The following ADGRL3 variants were observed in gnomAD, a reference collection of about 807,000 sequenced individuals.
The protein encoded by ADGRL3 is adhesion G protein-coupled receptor L3.
A neutral mutation model predicts 153.5 loss-of-function variants in ADGRL3; 62 were observed. That is an observed-to-expected ratio of 0.40 (90% CI 0.33 to 0.50). ADGRL3 has a LOEUF of 0.50. Among genes scored for constraint, ADGRL3 ranks in the 20% least tolerant of loss-of-function variants. The probability of loss-of-function intolerance (pLI) is 0.47; values close to 1 mark genes in which losing one functional copy is unlikely to be tolerated. For missense variants in ADGRL3, 1,641 were observed against 1,859.4 expected, an observed-to-expected ratio of 0.88 and a Z score of 2.16; for synonymous variants, 710 against 672.5, an observed-to-expected ratio of 1.06 and a Z score of -0.86.
chr4:61,211,272 A>G (rs1452768674), intron 1 of ADGRL3, among the ~76,000 whole-genome samples: 1 of 151,866 alleles, frequency 6.6e-6, no homozygotes, highest in Non-Finnish European at 1.5e-5. Context: ...GGTATCAGGA[A>G]AAATTGGATA....
intron 8 of ADGRL3, among the ~76,000 whole-genome samples, chr4:61,753,434 T>A (rs75639177): frequency 0.087 from 13,223 of 152,196 alleles, 1,217 homozygotes; most frequent in African/African-American, 0.23. Flanking sequence ...AGAGTTACGG[T>A]TACTTCTCAG....
At chr4:61,522,339 C>G (rs1269329325) in intron 4 of ADGRL3, among the ~76,000 whole-genome samples, 1 of 152,126 alleles carries the variant, frequency 6.6e-6, no homozygotes, top group Non-Finnish European at 1.5e-5. Flanking sequence ...TGATTAATCT[C>G]TTGCCTAATT....
intron 1 of ADGRL3, among the ~76,000 whole-genome samples, chr4:61,244,055 GT>G (rs1756076426): frequency 6.6e-6 from 1 of 151,960 alleles, no homozygotes; most frequent in Non-Finnish European, 1.5e-5. Context: ...TTGCTATCGG[GT>G]CTACCTAACT....
chr4:61,880,227 A>C (rs2149474481), intron 9 of ADGRL3, among the ~76,000 whole-genome samples: 1 of 152,268 alleles, frequency 6.6e-6, no homozygotes, highest in South Asian at 2.1e-4. Context: ...TTACTCAACC[A>C]CTTAGTCATT....
intron 1 of ADGRL3, among the ~76,000 whole-genome samples, chr4:61,295,546 A>G (rs186008827): frequency 6.6e-6 from 1 of 152,202 alleles, no homozygotes. Context: ...AAAGTACTAA[A>G]CTTTTTGAAA....
chr4:61,594,981 C>A (rs144182325), intron 5 of ADGRL3, among the ~76,000 whole-genome samples: 1 of 152,204 alleles, frequency 6.6e-6, no homozygotes, highest in East Asian at 1.9e-4. Flanking sequence ...TTCTCCAGCC[C>A]ACAACCAATG....
In ADGRL3 at chr4:62,044,477, G is replaced by C; in HGVS notation, c.3742G>C (p.Asp1248His). The C allele has an allele frequency of 6.3e-7, 1 of 1,594,506 alleles. No homozygotes were observed. The highest frequency in any genetic ancestry group is 8.5e-7 in the Non-Finnish European group (1 of 1,169,980). ...GAGCCGAATCCGTAGAATGTGGAAT[G>C]ACACGGTTCGAAAGCAGTCAGAGTC... ...SQSRIRRMWN[D>H]TVRKQSESSF... Residue 1248 changes from aspartate (D) to histidine (H), a missense_variant, in exon 25 of 27, where the codon GAC becomes CAC. Physicochemically the swap from Asp to His is moderately conservative, Grantham distance 81. This residue lies in a region of ADGRL3 where 517 missense variants were observed against 555.0 expected (regional missense o/e 0.93). Coordinates refer to ENST00000683033, the MANE Select transcript of ADGRL3 (RefSeq NM_001387552.1).
chr4:62,038,366 C>T (rs1265896237), intron 24 of ADGRL3, among the ~76,000 whole-genome samples: 1 of 151,982 alleles, frequency 6.6e-6, no homozygotes, highest in Non-Finnish European at 1.5e-5. Flanking sequence ...ATTAACATAC[C>T]TGGTCTAAGC....
chr4:61,892,739 A>G lies in ADGRL3; in HGVS notation c.1564A>G (p.Ser522Gly), dbSNP rs1002460440. ...GACCACAACTTTGAGCCCAGGAAGG[A>G]GTACCACCCCGTCAGTGTCAGGAAG... ...LRTTTLSPGR[S>G]TTPSVSGRRN... Residue 522 changes from serine (S) to glycine (G), a missense_variant, in exon 10 of 27, where the codon AGT (serine) becomes GGT (glycine). Ser to Gly is a moderately conservative substitution (Grantham distance 56, BLOSUM62 0). Coordinates refer to ENST00000683033, the MANE Select transcript of ADGRL3 (RefSeq NM_001387552.1). 10 of 1,613,916 alleles carry G rather than the reference A, an allele frequency of 6.2e-6. No homozygotes were observed. The highest frequency in any genetic ancestry group is 7.6e-6 in the Non-Finnish European group (9 of 1,179,834).
intron 9 of ADGRL3, among the ~76,000 whole-genome samples, chr4:61,844,525 T>A (rs1156651833): frequency 1.0e-5 from 1 of 96,442 alleles, no homozygotes; most frequent in African/African-American, 4.3e-5. Flanking sequence ...CCAGCCTGGG[T>A]GACAAAGCGA....
At chr4:61,407,537 C>T (rs2097018309) in intron 2 of ADGRL3, among the ~76,000 whole-genome samples, 1 of 152,008 alleles carries the variant, frequency 6.6e-6, no homozygotes, top group African/African-American at 2.4e-5. Context: ...GAGGTGTCCA[C>T]AAAAAACTGA....
intron 1 of ADGRL3, among the ~76,000 whole-genome samples, chr4:61,354,599 T>TGC (rs1553910573): frequency 1.6e-4 from 24 of 151,378 alleles, no homozygotes; most frequent in African/African-American, 2.2e-4. Context: ...TGTGTGTGTG[T>TGC]GCGCTTTAGT....
At position 61,609,468 on chromosome 4, in the gene ADGRL3, A is replaced by G. The variant is rs546318340; in HGVS notation, c.473+22028A>G. On this transcript the variant is annotated intron_variant, in intron 5 of 26. Coordinates refer to ENST00000683033, the MANE Select transcript of ADGRL3 (RefSeq NM_001387552.1). ...CTGATTAATTTTCATGGCTATTAATATTTAATAGACTAGTTCTTAAAATTA... is the reference window on the plus strand; with the variant it reads ...CTGATTAATTTTCATGGCTATTAATGTTTAATAGACTAGTTCTTAAAATTA... 2.6e-5 allele frequency among the ~76,000 whole-genome samples: 4 copies of G among 152,226 alleles called. No homozygotes were observed. In the East Asian group the frequency reaches 5.8e-4, roughly 22 times the overall value.
intron 9 of ADGRL3, among the ~76,000 whole-genome samples, chr4:61,867,650 T>G (rs1179735300): frequency 1.3e-5 from 2 of 150,948 alleles, no homozygotes; most frequent in Non-Finnish European, 3.0e-5. Context: ...TAATATGTTT[T>G]ATGTGACACA....
At chr4:62,058,247 T>A (rs1043362669) in intron 25 of ADGRL3, among the ~76,000 whole-genome samples, 1 of 152,178 alleles carries the variant, frequency 6.6e-6, no homozygotes, top group African/African-American at 2.4e-5. Context: ...TAGCCTTTTG[T>A]ATTTCCAAAT....
chr4:61,756,131 A>G (rs946680734), intron 8 of ADGRL3, among the ~76,000 whole-genome samples: 1 of 152,156 alleles, frequency 6.6e-6, no homozygotes, highest in Admixed American at 6.6e-5. Context: ...TGAACTTTAA[A>G]GTAGTTTTTT....
At chr4:61,938,991 G>C (rs1003795072) in intron 15 of ADGRL3, among the ~76,000 whole-genome samples, 8 of 150,848 alleles carry the variant, frequency 5.3e-5, no homozygotes, top group Non-Finnish European at 1.0e-4. Context: ...AGTAACCATA[G>C]TAGTTGGGGC....
chr4:61,804,880 G>A (rs2097536285), intron 8 of ADGRL3, among the ~76,000 whole-genome samples: 1 of 151,918 alleles, frequency 6.6e-6, no homozygotes, highest in Non-Finnish European at 1.5e-5. Flanking sequence ...AGAGGTGTTA[G>A]CATTTCGTTG....
chr4:61,552,501 T>A (rs949293015), intron 4 of ADGRL3, among the ~76,000 whole-genome samples: 1 of 152,148 alleles, frequency 6.6e-6, no homozygotes, highest in Admixed American at 6.6e-5. Context: ...TTTCGCTCTG[T>A]CACTCAGGCT....
Sources: allele counts gnomAD v4.1 joint callset (sites outside exome capture counted in the v4.1 genomes callset), GRCh38; gene constraint gnomAD v4.1.1; regional missense constraint gnomAD v4.1.1; transcripts MANE v1.5; gene names NCBI Gene and HGNC (gene_info 2026-07-23, HGNC 2026-07-21).